SEC24A: variants seen among roughly 807,000 people sequenced by gnomAD.
The protein encoded by SEC24A is protein transport protein Sec24A.
In SEC24A, 93 loss-of-function variants were observed where a neutral mutation model predicts 129.4. The observed-to-expected ratio is 0.72, with a 90% CI of 0.61 to 0.85. SEC24A has a LOEUF of 0.85. Ranked by LOEUF, SEC24A falls within the 40% of genes least tolerant of loss-of-function variation. SEC24A has a pLI of 0.00. For missense variants in SEC24A, 1,264 were observed against 1,307.4 expected (o/e 0.97, Z 0.51); for synonymous variants, 460 against 467.3 (o/e 0.98, Z 0.20).
At chr5:134,702,398 A>G (rs939614639) in intron 15 of SEC24A, among the ~76,000 whole-genome samples, 46 of 152,358 alleles carry the variant, frequency 3.0e-4, no homozygotes, top group African/African-American at 1.1e-3. Flanking sequence ...TAAAAAATAA[A>G]AACATTATTG....
At chr5:134,690,041 GGA>G (rs1751587743) in intron 11 of SEC24A, among the ~76,000 whole-genome samples, 1 of 151,898 alleles carries the variant, frequency 6.6e-6, no homozygotes, top group Admixed American at 6.6e-5. Flanking sequence ...TTTTTGAGAT[GGA>G]GTTTCACTTT....
At position 134,725,177 on chromosome 5, in the gene SEC24A, A is replaced by C. The variant is rs758890340; in HGVS notation, c.*83A>C. 3.4e-5 allele frequency: 24 copies of C among 708,828 alleles called. No individual in the cohort carries two copies. Among genetic ancestry groups the C allele is most frequent in the Non-Finnish European group, 5.6e-5 (23 of 408,358 alleles). The allele number at this position is 708,828 out of a possible 1,614,324, so 43.9% of individuals were successfully genotyped here. On this transcript the variant is annotated 3_prime_UTR_variant, in exon 23 of 23. Transcript: ENST00000398844. ...GAAATGTGTAATACCTTCTTTTTCT[A>C]TTATGTTTGTGGACTAATGTGATGA... is the stretch of plus-strand genomic sequence containing the variant.
At chr5:134,713,536 A>G (rs1443763519) in intron 18 of SEC24A, among the ~76,000 whole-genome samples, 2 of 152,206 alleles carry the variant, frequency 1.3e-5, no homozygotes, top group Non-Finnish European at 2.9e-5. Context: ...CCTAGCAGTT[A>G]GAACAGTTCC....
At chr5:134,668,310 C>G (rs989198783) in intron 3 of SEC24A, among the ~76,000 whole-genome samples, 1 of 151,926 alleles carries the variant, frequency 6.6e-6, no homozygotes, top group Non-Finnish European at 1.5e-5. Flanking sequence ...GTAACAAGGC[C>G]GGGCGTGGTG....
At chr5:134,676,198 G>C (rs1025609163) in intron 7 of SEC24A, 73 bp downstream of exon 7, 8 of 1,101,562 alleles carry the variant, frequency 7.3e-6, no homozygotes, top group Non-Finnish European at 1.0e-5. Flanking sequence ...GGAGTGCAGT[G>C]ACGCAGTCTC....
At chr5:134,662,259 A>G (rs1750495327) in intron 2 of SEC24A, among the ~76,000 whole-genome samples, 2 of 151,866 alleles carry the variant, frequency 1.3e-5, no homozygotes, top group South Asian at 2.1e-4. Flanking sequence ...GGTTCACGCC[A>G]TTCTCCTGCC....
intron 18 of SEC24A, among the ~76,000 whole-genome samples, chr5:134,712,832 A>G (rs1335442520): frequency 6.9e-6 from 1 of 144,334 alleles, no homozygotes; most frequent in Non-Finnish European, 1.5e-5. Context: ...GTTAACCAGG[A>G]TGGCCTCAAT....
chr5:134,711,650 C>T (rs1182059311), intron 18 of SEC24A, among the ~76,000 whole-genome samples: 3 of 150,966 alleles, frequency 2.0e-5, no homozygotes, highest in Admixed American at 1.3e-4. Flanking sequence ...ACGACCTCAG[C>T]CTCCTGAGTA....
Position 134,674,579 on chromosome 5 carries a change from G to C in SEC24A, c.818-36G>C, listed in dbSNP as rs188976450. On this transcript the variant is annotated intron_variant, in intron 4 of 22. Coordinates refer to ENST00000398844, the MANE Select transcript of SEC24A (RefSeq NM_021982.3). Reference sequence around the variant, plus strand: ...AAATAAATAAATCAAGTATTCTGGAGTATAAAATAGAACTTAAAAGTTACC... The same window carrying C: ...AAATAAATAAATCAAGTATTCTGGACTATAAAATAGAACTTAAAAGTTACC... 2.3e-4 allele frequency: 367 copies of C among 1,583,402 alleles called. No individual in the cohort carries two copies. In the African/African-American group the frequency reaches 3.8e-3, roughly 17 times the overall value.
At chr5:134,717,130 C>G (rs969778144) in intron 19 of SEC24A, among the ~76,000 whole-genome samples, 1 of 151,996 alleles carries the variant, frequency 6.6e-6, no homozygotes, top group African/African-American at 2.4e-5. Flanking sequence ...CCACCCGCCT[C>G]AGCCTCCCAA....
chr5:134,678,576 A>T (rs1169230610), intron 7 of SEC24A, among the ~76,000 whole-genome samples: 8 of 150,010 alleles, frequency 5.3e-5, no homozygotes, highest in Non-Finnish European at 8.9e-5. Context: ...ATATATATAT[A>T]TATATTTTTT....
chr5:134,685,379 AT>A lies in SEC24A; in HGVS notation c.1492-1410del, dbSNP rs1366768080. Reference sequence around the variant, plus strand: ...ACACCTTCTCTCTAAAAAAAAAAAAATAATAATACAAATTTTAATATACAGT... The same window carrying A: ...ACACCTTCTCTCTAAAAAAAAAAAAAAATAATACAAATTTTAATATACAGT... On this transcript the variant is annotated intron_variant, in intron 9 of 22. Transcript: ENST00000398844. Among the ~76,000 whole-genome samples, 653 of 118,058 alleles carry A rather than the reference AT, an allele frequency of 5.5e-3. 7 individuals carry two copies. The highest frequency in any genetic ancestry group is 0.016 in the African/African-American group (607 of 37,354). 77.5% of individuals were successfully genotyped at this position (118,058 alleles called of 152,430 possible).
chr5:134,684,661 C>T (rs1435815291), intron 9 of SEC24A, among the ~76,000 whole-genome samples: 2 of 151,882 alleles, frequency 1.3e-5, no homozygotes, highest in African/African-American at 4.8e-5. Flanking sequence ...TGCAGTGAGC[C>T]GAGATTGCGC....
chr5:134,673,677 T>G (rs1357365777), intron 4 of SEC24A, among the ~76,000 whole-genome samples: 1 of 150,926 alleles, frequency 6.6e-6, no homozygotes, highest in African/African-American at 2.4e-5. Flanking sequence ...CAGGCTGGTC[T>G]CCAACTCCTG....
chr5:134,693,231 G>C (rs771872422), intron 12 of SEC24A: 3 of 1,480,508 alleles, frequency 2.0e-6, no homozygotes, highest in Non-Finnish European at 2.7e-6. Flanking sequence ...GCCATAGTGC[G>C]AAGTATTTTT....
Position 134,666,893 on chromosome 5 carries a change from C to G in SEC24A, c.636C>G (p.Pro212=). ...TTFQPGAPHG[P]PPAGGPPPVR... ...TTCAACCAGGAGCTCCTCATGGGCC[C>G]CCTCCAGCTGGAGGCCCACCCCCAG... Residue 212 remains proline, a synonymous_variant, in exon 3 of 23, where the codon CCC becomes CCG. Coordinates refer to ENST00000398844, the MANE Select transcript of SEC24A (RefSeq NM_021982.3). 6.2e-7 allele frequency: 1 copy of G among 1,612,794 alleles called. No homozygotes were observed. Among genetic ancestry groups the G allele is most frequent in the African/African-American group, 1.3e-5 (1 of 74,998 alleles).
At chr5:134,690,566 C>T (rs1468300850) in intron 11 of SEC24A, among the ~76,000 whole-genome samples, 1 of 152,244 alleles carries the variant, frequency 6.6e-6, no homozygotes, top group African/African-American at 2.4e-5. Context: ...CCTTTCGCCT[C>T]ATCCTCCCAA....
intron 1 of SEC24A, among the ~76,000 whole-genome samples, chr5:134,657,831 C>G (rs766770525): frequency 6.6e-6 from 1 of 152,170 alleles, no homozygotes; most frequent in Non-Finnish European, 1.5e-5. Flanking sequence ...CCCACCTTGG[C>G]TTTTCAAAGT....
At chr5:134,723,517 C>T in intron 21 of SEC24A, 50 bp from the exon 22 acceptor site, 1 of 1,117,802 alleles carries the variant, frequency 8.9e-7, no homozygotes, top group Non-Finnish European at 1.4e-6. Flanking sequence ...ATAGACCATA[C>T]ATTAGATATG....
Sources: gnomAD v4.1 joint callset for allele counts (sites outside exome capture counted in the v4.1 genomes callset) on GRCh38, gnomAD v4.1.1 for gene constraint, MANE v1.5 for transcripts, NCBI Gene and HGNC (gene_info 2026-07-23, HGNC 2026-07-21) for gene names.